DPYD: variants seen among roughly 807,000 people sequenced by gnomAD.
DPYD encodes dihydropyrimidine dehydrogenase.
DPYD carries 109 observed loss-of-function variants against 116.2 expected under a neutral mutation model. That is an observed-to-expected ratio of 0.94 (90% CI 0.80 to 1.10). The LOEUF (loss-of-function observed/expected upper bound fraction) is 1.10, where lower values mean the gene tolerates loss of function less well. DPYD is among the 50% of genes least tolerant of loss of function. The pLI is 0.00. For missense variants in DPYD, 1,302 were observed against 1,254.5 expected, an observed-to-expected ratio of 1.04 and a Z score of -0.57; for synonymous variants, 440 against 432.0, an observed-to-expected ratio of 1.02 and a Z score of -0.23.
chr1:97,337,068 A>G (rs36025579), intron 16 of DPYD, among the ~76,000 whole-genome samples: 40,515 of 152,080 alleles, frequency 0.27, 5,590 homozygotes, highest in East Asian at 0.41. Context: ...GAAGCAAAGA[A>G]TTTTCTGAAT....
At chr1:97,164,964 T>C (rs996433221) in intron 20 of DPYD, among the ~76,000 whole-genome samples, 1 of 151,890 alleles carries the variant, frequency 6.6e-6, no homozygotes, top group Admixed American at 6.6e-5. Context: ...TGCCTAGGCC[T>C]CCCAAAGTGC....
intron 2 of DPYD, among the ~76,000 whole-genome samples, chr1:97,863,209 C>A (rs560348188): frequency 4.4e-4 from 67 of 151,880 alleles, no homozygotes; most frequent in Admixed American, 3.9e-4. Flanking sequence ...GGTTACCCTC[C>A]CCTTTCTTTG....
intron 8 of DPYD, among the ~76,000 whole-genome samples, chr1:97,620,966 G>A (rs1557842211): frequency 6.6e-6 from 1 of 152,090 alleles, no homozygotes; most frequent in Non-Finnish European, 1.5e-5. Flanking sequence ...TTCAAACTCA[G>A]CTATCTAACA....
In DPYD at chr1:97,170,706, C is replaced by T. The variant is rs368888263; in HGVS notation, c.2622+22363G>A. Among the ~76,000 whole-genome samples, 83 of 151,454 alleles carry T rather than the reference C, an allele frequency of 5.5e-4. No homozygotes were observed. The South Asian group carries it at 0.012, about 21-fold the overall frequency. ...TTTTTTTTTTTTTGAGATAGAGTCC[C>T]GCTCTGTCACCCAGGCTGGAGTGCA... is the stretch of plus-strand genomic sequence containing the variant. On this transcript the variant is annotated intron_variant, in intron 20 of 22. Transcript: ENST00000370192.
chr1:97,651,248 G>A (rs1364776492), intron 8 of DPYD, among the ~76,000 whole-genome samples: 2 of 152,036 alleles, frequency 1.3e-5, no homozygotes, highest in Admixed American at 6.6e-5. Context: ...CAACTGAGGC[G>A]ATTTTATGAA....
chr1:97,082,561 C>T, intron 21 of DPYD, 91 bp from the exon 22 acceptor site: 2 of 1,455,076 alleles, frequency 1.4e-6, no homozygotes, highest in African/African-American at 1.4e-5. Context: ...TGTTTTTATA[C>T]AATGTTGCAT....
chr1:97,446,080 G>C (rs1676073139), intron 14 of DPYD, among the ~76,000 whole-genome samples: 1 of 152,110 alleles, frequency 6.6e-6, no homozygotes, highest in African/African-American at 2.4e-5. Flanking sequence ...TGGCACTATT[G>C]ATATCTGTCA....
At chr1:97,209,214 T>A (rs1659878948) in intron 19 of DPYD, among the ~76,000 whole-genome samples, 1 of 152,166 alleles carries the variant, frequency 6.6e-6, no homozygotes, top group African/African-American at 2.4e-5. Flanking sequence ...TTATTGAATA[T>A]GAATTAGGTC....
Position 97,721,608 on chromosome 1 carries a change from C to A in DPYD, c.385G>T (p.Val129Leu). The A allele has an allele frequency of 1.2e-6, 2 of 1,611,662 alleles. No homozygotes were observed. Among genetic ancestry groups the A allele is most frequent in the East Asian group, 2.2e-5 (1 of 44,840 alleles). ...ACACAAAGATCAGAGGTTGGACATACCATTCCACAAGTCAGACCAAGTGGG... is the reference window on the plus strand; with the variant it reads ...ACACAAAGATCAGAGGTTGGACATAACATTCCACAAGTCAGACCAAGTGGG... ...DNPLGLTCGMVCPTSDLCVGG... is the reference protein window; with the variant it reads ...DNPLGLTCGMLCPTSDLCVGG... Residue 129 changes from valine (V) to leucine (L), a missense_variant, in exon 5 of 23, where the codon GTA (valine) becomes TTA (leucine). Val to Leu is a conservative substitution (Grantham distance 32, BLOSUM62 1). Transcript: ENST00000370192.
chr1:97,872,208 T>C (rs2101618821), intron 2 of DPYD, among the ~76,000 whole-genome samples: 1 of 151,934 alleles, frequency 6.6e-6, no homozygotes, highest in Non-Finnish European at 1.5e-5. Flanking sequence ...GAAGGGAAAA[T>C]TTTTCTTCTT....
chr1:97,176,618 G>A (rs1163993866), intron 20 of DPYD, among the ~76,000 whole-genome samples: 1 of 152,138 alleles, frequency 6.6e-6, no homozygotes, highest in Non-Finnish European at 1.5e-5. Context: ...ATAATTGTCA[G>A]GGATAATCAC....
intron 4 of DPYD, among the ~76,000 whole-genome samples, chr1:97,728,485 T>C (rs1316018680): frequency 1.3e-5 from 2 of 152,154 alleles, no homozygotes; most frequent in African/African-American, 2.4e-5. Context: ...TACCCTGTCA[T>C]ATGGTATAAC....
chr1:97,732,918 G>C (rs1204728374), intron 4 of DPYD, among the ~76,000 whole-genome samples: 1 of 151,932 alleles, frequency 6.6e-6, no homozygotes, highest in African/African-American at 2.4e-5. Flanking sequence ...TTTACACGCA[G>C]AAAAAAGCTA....
intron 3 of DPYD, among the ~76,000 whole-genome samples, chr1:97,755,051 T>C (rs1665151887): frequency 6.6e-6 from 1 of 152,206 alleles, no homozygotes; most frequent in Admixed American, 6.5e-5. Context: ...GTTACTATCC[T>C]ACTGAAAGTA....
chr1:97,740,399 G>A lies in DPYD; in HGVS notation c.314C>T (p.Ala105Val), dbSNP rs1664195715. The A allele has an allele frequency of 6.2e-7, 1 of 1,610,840 alleles. No individual in the cohort carries two copies. The highest frequency in any genetic ancestry group is 1.3e-5 in the African/African-American group (1 of 74,838). ...AGTTAAATCTGAATTTACCTTGTTT[G>A]CAATACTTGTGATGAATGATTTAAT... is the stretch of plus-strand genomic sequence containing the variant. ...LDIKSFITSI[A>V]NKNYYGAAKM... The change falls in exon 4 of 23, where the codon GCA becomes GTA. Residue 105 changes from alanine (A) to valine (V), a missense_variant. Ala to Val is a moderately conservative substitution (Grantham distance 64, BLOSUM62 0). Coordinates refer to ENST00000370192, the MANE Select transcript of DPYD (RefSeq NM_000110.4).
intron 8 of DPYD, among the ~76,000 whole-genome samples, chr1:97,660,728 G>A (rs1659204931): frequency 6.6e-6 from 1 of 152,096 alleles, no homozygotes; most frequent in Non-Finnish European, 1.5e-5. Context: ...AAAGCAAAGT[G>A]AACTCACTTG....
chr1:97,196,651 C>A (rs11811222), intron 19 of DPYD, among the ~76,000 whole-genome samples: 25 of 152,170 alleles, frequency 1.6e-4, no homozygotes, highest in African/African-American at 6.0e-4. Context: ...CTCAAGATAA[C>A]CCTAAAAGAT....
intron 19 of DPYD, among the ~76,000 whole-genome samples, chr1:97,211,532 G>C (rs951204077): frequency 5.9e-5 from 9 of 152,098 alleles, no homozygotes; most frequent in African/African-American, 2.2e-4. Flanking sequence ...TTATGACTGA[G>C]TTTCTCAGCA....
intron 18 of DPYD, among the ~76,000 whole-genome samples, chr1:97,257,452 T>TATATATATATATAG (rs375490078): frequency 2.1e-3 from 264 of 126,458 alleles, no homozygotes; most frequent in African/African-American, 7.5e-3. Context: ...TATATATATA[T>TATATATATATATAG]AGAGAGAGAG....
Sources: gnomAD v4.1 joint callset for allele counts (sites outside exome capture counted in the v4.1 genomes callset) on GRCh38, gnomAD v4.1.1 for gene constraint, MANE v1.5 for transcripts, NCBI Gene and HGNC (gene_info 2026-07-23, HGNC 2026-07-21) for gene names.